CREB5: variants seen among roughly 807,000 people sequenced by gnomAD.
The protein encoded by CREB5 is cyclic AMP-responsive element-binding protein 5.
CREB5 carries 19 observed loss-of-function variants against 57.1 expected under a neutral mutation model. That is an observed-to-expected ratio of 0.33 (90% confidence interval 0.23 to 0.49). CREB5 has a LOEUF of 0.49. Ranked by LOEUF, CREB5 falls within the 20% of genes least tolerant of loss-of-function variation. CREB5 has a pLI of 0.99. For synonymous variants in CREB5, 238 were observed against 238.3 expected (o/e 1.00, Z 0.01); for missense variants, 579 against 671.6 (o/e 0.86, Z 1.52).
intron 5 of CREB5, among the ~76,000 whole-genome samples, chr7:28,628,873 A>G (rs1196176320): frequency 6.6e-6 from 1 of 152,184 alleles, no homozygotes; most frequent in Non-Finnish European, 1.5e-5. Flanking sequence ...TGGGGGGAGA[A>G]AAGATTATTA....
At chr7:28,596,337 A>G (rs955424397) in intron 5 of CREB5, among the ~76,000 whole-genome samples, 1 of 152,178 alleles carries the variant, frequency 6.6e-6, no homozygotes, top group Non-Finnish European at 1.5e-5. Context: ...GGAGCCAACT[A>G]CCCTGGATAT....
At chr7:28,815,623 T>C (rs1281093335) in intron 9 of CREB5, among the ~76,000 whole-genome samples, 2 of 152,186 alleles carry the variant, frequency 1.3e-5, no homozygotes, top group Non-Finnish European at 2.9e-5. Flanking sequence ...CTTTGCTAAC[T>C]GTAGAAACCC....
At chr7:28,616,358 A>T (rs1797595992) in intron 5 of CREB5, among the ~76,000 whole-genome samples, 1 of 152,198 alleles carries the variant, frequency 6.6e-6, no homozygotes. Context: ...TAGCTGGAGT[A>T]CTTCTATGAA....
At chr7:28,607,951 A>C (rs1360736387) in intron 5 of CREB5, among the ~76,000 whole-genome samples, 1 of 152,038 alleles carries the variant, frequency 6.6e-6, no homozygotes, top group South Asian at 2.1e-4. Flanking sequence ...CGAAACAAAC[A>C]CTGAACAGCG....
At chr7:28,570,654 C>T in intron 5 of CREB5, 117 bp downstream of exon 5, 2 of 1,174,090 alleles carry the variant, frequency 1.7e-6, no homozygotes, top group Non-Finnish European at 2.4e-6. Flanking sequence ...CATGATATTG[C>T]CTAGAGCTCA....
At chr7:28,568,780 G>T (rs141396147) in intron 4 of CREB5, among the ~76,000 whole-genome samples, 1 of 152,272 alleles carries the variant, frequency 6.6e-6, no homozygotes, top group East Asian at 1.9e-4. Context: ...TTAGAAATCA[G>T]AAACCTGGGA....
At chr7:28,777,224 A>G (rs190652881) in intron 7 of CREB5, among the ~76,000 whole-genome samples, 46 of 152,344 alleles carry the variant, frequency 3.0e-4, no homozygotes, top group African/African-American at 9.1e-4. Flanking sequence ...GTGGTCCTCA[A>G]TTTAGTGTTC....
intron 5 of CREB5, among the ~76,000 whole-genome samples, chr7:28,707,460 G>T (rs945995396): frequency 5.9e-5 from 9 of 152,168 alleles, no homozygotes; most frequent in African/African-American, 2.2e-4. Flanking sequence ...CCAGGAGGCG[G>T]CCAAAAGCCT....
chr7:28,778,083 A>T (rs1806762895), intron 7 of CREB5, among the ~76,000 whole-genome samples: 1 of 152,186 alleles, frequency 6.6e-6, no homozygotes. Flanking sequence ...CTGTTTTCAC[A>T]TTATGGTGGG....
chr7:28,643,524 A>G (rs1158210436), intron 5 of CREB5, among the ~76,000 whole-genome samples: 1 of 152,144 alleles, frequency 6.6e-6, no homozygotes, highest in African/African-American at 2.4e-5. Context: ...TTCTGAATTA[A>G]ATGGAACTAT....
At chr7:28,807,364 G>A (rs978444964) in intron 8 of CREB5, among the ~76,000 whole-genome samples, 4 of 152,166 alleles carry the variant, frequency 2.6e-5, no homozygotes, top group Admixed American at 6.5e-5. Context: ...CAGGAGAATC[G>A]CTTGAACCTG....
intron 4 of CREB5, among the ~76,000 whole-genome samples, chr7:28,555,124 T>TGTGTGTGTGTGTGA (rs1394017348): frequency 1.3e-5 from 2 of 152,042 alleles, no homozygotes; most frequent in Non-Finnish European, 2.9e-5. Flanking sequence ...TGTGTGTGTG[T>TGTGTGTGTGTGTGA]GTAAATAAAA....
At chr7:28,431,230 A>G (rs1788699191) in intron 1 of CREB5, among the ~76,000 whole-genome samples, 1 of 152,228 alleles carries the variant, frequency 6.6e-6, no homozygotes. Context: ...GCCAGTACCT[A>G]TGGCAAGAAG....
chr7:28,310,838 A>C (rs1222705715), intron 1 of CREB5, among the ~76,000 whole-genome samples: 1 of 152,308 alleles, frequency 6.6e-6, no homozygotes, highest in Middle Eastern at 3.4e-3. Flanking sequence ...TCATTATTAC[A>C]CTCGATGAAC....
At chr7:28,602,891 T>C (rs903784754) in intron 5 of CREB5, among the ~76,000 whole-genome samples, 3 of 152,206 alleles carry the variant, frequency 2.0e-5, no homozygotes, top group Non-Finnish European at 2.9e-5. Flanking sequence ...ATAAACTCTG[T>C]GGATGGTACC....
intron 8 of CREB5, among the ~76,000 whole-genome samples, chr7:28,805,232 G>A (rs750256966): frequency 1.3e-5 from 2 of 152,196 alleles, no homozygotes; most frequent in East Asian, 3.8e-4. Context: ...AAGAAAGCCA[G>A]CATTTAGACA....
At chr7:28,498,411 T>C (rs1204538688) in intron 3 of CREB5, among the ~76,000 whole-genome samples, 2 of 152,214 alleles carry the variant, frequency 1.3e-5, no homozygotes, top group Non-Finnish European at 2.9e-5. Flanking sequence ...AACCTTTATT[T>C]TGGAAAATTT....
chr7:28,689,307 A>G (rs1801118154), intron 5 of CREB5, among the ~76,000 whole-genome samples: 1 of 152,102 alleles, frequency 6.6e-6, no homozygotes, highest in Non-Finnish European at 1.5e-5. Context: ...TCTCTACTAA[A>G]AATACAAAAA....
In CREB5 at chr7:28,440,136, A is replaced by T. The variant is rs1298466019; in HGVS notation, c.3+27219A>T. Among the ~76,000 whole-genome samples, 3 of 152,270 alleles carry T rather than the reference A, an allele frequency of 2.0e-5. No individual in the cohort carries two copies. In the East Asian group the frequency reaches 5.8e-4, roughly 29 times the overall value. On this transcript the variant is annotated intron_variant, in intron 1 of 10. Coordinates refer to ENST00000357727, the MANE Select transcript of CREB5 (RefSeq NM_182898.4). The stretch of plus-strand genomic sequence containing the variant: ...CTTAGAACTCTCAGTTGTCCTCTCC[A>T]CGTGACAGTAAATTATTGCCAAATC...
Sources: allele counts gnomAD v4.1 joint callset (sites outside exome capture counted in the v4.1 genomes callset), GRCh38; gene constraint gnomAD v4.1.1; transcripts MANE v1.5; gene names NCBI Gene and HGNC (gene_info 2026-07-23, HGNC 2026-07-21).